HDAC9: variants seen among roughly 807,000 people sequenced by gnomAD.
HDAC9 encodes histone deacetylase 9, also known as MEF-2 interacting transcription repressor (MITR) protein.
A neutral mutation model predicts 139.4 loss-of-function variants in HDAC9; 41 were observed. That is an observed-to-expected ratio of 0.29 (90% CI 0.23 to 0.38). The LOEUF (loss-of-function observed/expected upper bound fraction) is 0.38, where lower values mean the gene tolerates loss of function less well. HDAC9 is among the 10% of genes least tolerant of loss of function. The pLI is 1.00. For missense variants in HDAC9, 1,147 were observed against 1,297.0 expected, an observed-to-expected ratio of 0.88 and a Z score of 1.78; for synonymous variants, 517 against 476.2, an observed-to-expected ratio of 1.09 and a Z score of -1.12.
intron 11 of HDAC9, among the ~76,000 whole-genome samples, chr7:18,663,905 T>C (rs1351316492): frequency 6.6e-6 from 1 of 152,164 alleles, no homozygotes; most frequent in East Asian, 1.9e-4. Context: ...CACTGACTGA[T>C]AGTCTCTGTC....
At chr7:18,762,110 T>A (rs1789442581) in intron 14 of HDAC9, 47 bp from the exon 15 acceptor site, 1 of 1,610,090 alleles carries the variant, frequency 6.2e-7, no homozygotes, top group Non-Finnish European at 8.5e-7. Context: ...CATTTTCTTC[T>A]AAATGTTGTC....
rs1585315631 is a variant in HDAC9, at chr7:18,921,805, A to G, written c.2804-14004A>G. ...TATGTTTATTGCGGCACTATTCACAATAGCAAAGACTTGGAACCAACCCAA... is the reference window on the plus strand; with the variant it reads ...TATGTTTATTGCGGCACTATTCACAGTAGCAAAGACTTGGAACCAACCCAA... On this transcript the variant is annotated intron_variant, in intron 22 of 25. Transcript: ENST00000686413. 1.3e-5 allele frequency among the ~76,000 whole-genome samples: 2 copies of G among 152,256 alleles called. 1 individual carries two copies.
At position 18,930,170 on chromosome 7, in the gene HDAC9, C is replaced by T. The variant is rs868433962; in HGVS notation, c.2804-5639C>T. 7.9e-5 allele frequency among the ~76,000 whole-genome samples: 12 copies of T among 152,168 alleles called. No individual in the cohort carries two copies. The East Asian group carries it at 1.4e-3, about 17-fold the overall frequency. On this transcript the variant is annotated intron_variant, in intron 22 of 25. Coordinates refer to ENST00000686413, the MANE Select transcript of HDAC9 (RefSeq NM_178425.4). ...TGCCCTATGTGGTTGTTGAGAACCCCGTTCCATCTCTATGTCCAGTGATTG... is the reference window on the plus strand; with the variant it reads ...TGCCCTATGTGGTTGTTGAGAACCCTGTTCCATCTCTATGTCCAGTGATTG...
chr7:18,749,118 G>T lies in HDAC9; in HGVS notation c.2023G>T (p.Gly675Trp). 6.2e-7 allele frequency: 1 copy of T among 1,613,470 alleles called. No individual in the cohort carries two copies. The highest frequency in any genetic ancestry group is 8.5e-7 in the Non-Finnish European group (1 of 1,179,734). The stretch of plus-strand genomic sequence containing the variant: ...TATCTGGTCACGACTGCAAGAAACT[G>T]GGCTGCTAAATAAATGTGAGGTAAT... ...QSIWSRLQETGLLNKCERIQG... is the reference protein window; with the variant it reads ...QSIWSRLQETWLLNKCERIQG... The change falls in exon 14 of 26, where the codon GGG becomes TGG. Residue 675 changes from glycine to tryptophan, a missense_variant. By Grantham distance (184) the Gly-to-Trp change is radical. Around this residue, in one of 7 missense-constraint regions of HDAC9, gnomAD observed 407 missense variants for 521.5 expected, o/e 0.78. Coordinates refer to ENST00000686413, the MANE Select transcript of HDAC9 (RefSeq NM_178425.4).
chr7:18,939,492 T>C (rs1781875990), intron 23 of HDAC9, among the ~76,000 whole-genome samples: 2 of 152,302 alleles, frequency 1.3e-5, no homozygotes, highest in African/African-American at 4.8e-5. Context: ...CATTAAAGAA[T>C]GGAGAGTTCT....
At chr7:18,641,797 A>G (rs372826468) in intron 8 of HDAC9, among the ~76,000 whole-genome samples, 1 of 152,024 alleles carries the variant, frequency 6.6e-6, no homozygotes, top group Non-Finnish European at 1.5e-5. Context: ...GCTAGTCAGG[A>G]TCTTTCATTG....
At chr7:18,781,755 C>G (rs1019092078) in intron 16 of HDAC9, among the ~76,000 whole-genome samples, 1 of 151,896 alleles carries the variant, frequency 6.6e-6, no homozygotes, top group African/African-American at 2.4e-5. Flanking sequence ...TTATCAAATA[C>G]CACTTAGGTG....
chr7:18,580,389 A>G (rs1295051465), intron 2 of HDAC9, among the ~76,000 whole-genome samples: 1 of 152,196 alleles, frequency 6.6e-6, no homozygotes, highest in Non-Finnish European at 1.5e-5. Context: ...GCAAGGTGAT[A>G]ATTAAGACTA....
chr7:18,343,694 T>C (rs1449122545), intron 1 of HDAC9, among the ~76,000 whole-genome samples: 1 of 151,896 alleles, frequency 6.6e-6, no homozygotes, highest in Non-Finnish European at 1.5e-5. Context: ...AGAGAGCTCT[T>C]TTGCCTTCTC....
At chr7:18,568,485 TA>T (rs1172117084) in intron 2 of HDAC9, among the ~76,000 whole-genome samples, 1 of 152,230 alleles carries the variant, frequency 6.6e-6, no homozygotes, top group Non-Finnish European at 1.5e-5. Flanking sequence ...TTGCTCATTT[TA>T]AAGTGCCATC....
intron 2 of HDAC9, among the ~76,000 whole-genome samples, chr7:18,218,967 AC>A (rs761242414): frequency 6.6e-6 from 1 of 152,208 alleles, no homozygotes; most frequent in Non-Finnish European, 1.5e-5. Context: ...AAGGCTTTTT[AC>A]ACATAATGTC....
At chr7:18,769,444 G>C (rs1408958196) in intron 16 of HDAC9, among the ~76,000 whole-genome samples, 1 of 152,066 alleles carries the variant, frequency 6.6e-6, no homozygotes, top group East Asian at 1.9e-4. Context: ...GATAAGTCTG[G>C]GGTAGGCCAG....
At chr7:18,121,149 A>G (rs1277003301) in intron 1 of HDAC9, among the ~76,000 whole-genome samples, 2 of 152,236 alleles carry the variant, frequency 1.3e-5, no homozygotes, top group African/African-American at 4.8e-5. Flanking sequence ...GAAAAAGTTA[A>G]TTTAAATTAT....
chr7:18,304,439 A>G (rs1209361156), intron 1 of HDAC9, among the ~76,000 whole-genome samples: 1 of 152,208 alleles, frequency 6.6e-6, no homozygotes, highest in Non-Finnish European at 1.5e-5. Context: ...TAAGCATTCC[A>G]TAAGTGCTAA....
intron 2 of HDAC9, among the ~76,000 whole-genome samples, chr7:18,250,507 G>A (rs1234457529): frequency 2.0e-5 from 3 of 152,074 alleles, no homozygotes; most frequent in Non-Finnish European, 4.4e-5. Flanking sequence ...GCTTACTGTG[G>A]GTATTCCTTG....
At chr7:18,832,715 C>G (rs1392743203) in intron 19 of HDAC9, among the ~76,000 whole-genome samples, 3 of 147,734 alleles carry the variant, frequency 2.0e-5, no homozygotes, top group African/African-American at 7.4e-5. Context: ...GCAAGGAAAA[C>G]AAACAAAAAA....
At chr7:18,392,274 CTCTCTCTCTCTCTCTG>C (rs1165626909) in intron 1 of HDAC9, among the ~76,000 whole-genome samples, 1 of 141,234 alleles carries the variant, frequency 7.1e-6, no homozygotes, top group Non-Finnish European at 1.5e-5. Flanking sequence ...GTCTCTGTCA[CTCTCTCTCTCTCTCTG>C]TCTCTCTCTC....
At chr7:18,515,528 G>T (rs985063953) in intron 2 of HDAC9, among the ~76,000 whole-genome samples, 1 of 152,158 alleles carries the variant, frequency 6.6e-6, no homozygotes, top group Non-Finnish European at 1.5e-5. Flanking sequence ...GACCCTTCAG[G>T]CCACAGTATC....
intron 2 of HDAC9, among the ~76,000 whole-genome samples, chr7:18,498,596 T>C (rs1486071766): frequency 6.6e-6 from 1 of 152,044 alleles, no homozygotes; most frequent in Non-Finnish European, 1.5e-5. Context: ...TTCATAGGCT[T>C]AGAAGCAGAG....
Sources: gnomAD v4.1 joint callset for allele counts (sites outside exome capture counted in the v4.1 genomes callset) on GRCh38, gnomAD v4.1.1 for gene constraint, gnomAD v4.1.1 regional missense constraint, MANE v1.5 for transcripts, NCBI Gene and HGNC (gene_info 2026-07-23, HGNC 2026-07-21) for gene names.